PPP1R14C: variants seen among roughly 807,000 people sequenced by gnomAD.
The protein encoded by PPP1R14C is protein phosphatase 1 regulatory subunit 14C.
A neutral mutation model predicts 20.4 loss-of-function variants in PPP1R14C; 16 were observed. The observed-to-expected ratio is 0.78, with a 90% CI of 0.53 to 1.19. PPP1R14C has a LOEUF of 1.19. Ranked by LOEUF, PPP1R14C falls within the 50% of genes most tolerant of loss-of-function variation. The pLI, the probability that PPP1R14C is intolerant of heterozygous loss-of-function variation, is 0.00. For synonymous variants in PPP1R14C, 91 were observed against 91.0 expected (o/e 1.00, Z 0.00); for missense variants, 211 against 220.1 (o/e 0.96, Z 0.26).
At chr6:150,209,915 TTGTGTATGTGTG>T (rs1778001596) in intron 1 of PPP1R14C, among the ~76,000 whole-genome samples, 1 of 149,930 alleles carries the variant, frequency 6.7e-6, no homozygotes, top group South Asian at 2.1e-4. Context: ...GTGTATATGT[TTGTGTATGTGTG>T]TGTGCATGTG....
At chr6:150,152,938 C>T (rs879748730) in intron 1 of PPP1R14C, among the ~76,000 whole-genome samples, 6 of 152,128 alleles carry the variant, frequency 3.9e-5, no homozygotes, top group African/African-American at 1.2e-4. Context: ...TAGGTGAGGT[C>T]GTGAGGGTGG....
At chr6:150,243,226 A>C (rs1171488383) in intron 3 of PPP1R14C, among the ~76,000 whole-genome samples, 2 of 143,058 alleles carry the variant, frequency 1.4e-5, no homozygotes, top group Non-Finnish European at 3.0e-5. Flanking sequence ...CCCAGGCCGG[A>C]GTGCAATGGC....
chr6:150,170,547 C>G (rs987309197), intron 1 of PPP1R14C, among the ~76,000 whole-genome samples: 1 of 152,124 alleles, frequency 6.6e-6, no homozygotes, highest in African/African-American at 2.4e-5. Flanking sequence ...TGGTCTTGAT[C>G]TCCTGACCTC....
chr6:150,183,351 T>C (rs1777643350), intron 1 of PPP1R14C, among the ~76,000 whole-genome samples: 1 of 152,206 alleles, frequency 6.6e-6, no homozygotes, highest in African/African-American at 2.4e-5. Flanking sequence ...TTGCTCCACC[T>C]GTACAAAAAG....
chr6:150,223,376 T>TTAC (rs1259046118), intron 3 of PPP1R14C, among the ~76,000 whole-genome samples: 1 of 152,214 alleles, frequency 6.6e-6, no homozygotes, highest in Non-Finnish European at 1.5e-5. Flanking sequence ...AGGAGTAGGA[T>TTAC]TACTGTATTG....
intron 1 of PPP1R14C, among the ~76,000 whole-genome samples, chr6:150,167,696 A>C (rs559126038): frequency 2.1e-4 from 32 of 152,218 alleles, no homozygotes; most frequent in South Asian, 4.2e-4. Context: ...ATACTGTATA[A>C]GGCAGAGAGC....
chr6:150,243,980 G>A (rs1028106035), intron 3 of PPP1R14C, among the ~76,000 whole-genome samples: 42 of 152,304 alleles, frequency 2.8e-4, no homozygotes, highest in African/African-American at 8.7e-4. Flanking sequence ...AATCTGGAGT[G>A]ACAGAAAACA....
At chr6:150,151,917 G>A (rs536522906) in intron 1 of PPP1R14C, among the ~76,000 whole-genome samples, 227 of 152,030 alleles carry the variant, frequency 1.5e-3, no homozygotes, top group African/African-American at 5.1e-3. Context: ...TCAGGAGATC[G>A]AGACCATCCC....
Position 150,214,747 on chromosome 6 carries a change from G to A in PPP1R14C, c.310G>A (p.Glu104Lys). The A allele has an allele frequency of 6.2e-7, 1 of 1,612,902 alleles. No individual in the cohort carries two copies. Among genetic ancestry groups the A allele is most frequent in the Non-Finnish European group, 8.5e-7 (1 of 1,179,324 alleles). The change falls in exon 2 of 4, where the codon GAA becomes AAA. Residue 104 changes from glutamate to lysine, a missense_variant. Physicochemically the swap from Glu to Lys is moderately conservative, Grantham distance 56. Transcript: ENST00000361131. ...QLGQLYGCEE[E>K]EMPEVEIDID... ...ATATCCTCCCACTGCCCCCCAGGAA[G>A]AAGAAATGCCAGAGGTAGAAATTGA... is the stretch of plus-strand genomic sequence containing the variant.
chr6:150,169,848 G>GAATTAATTGATGTGGCA (rs1163035206), intron 1 of PPP1R14C, among the ~76,000 whole-genome samples: 1 of 152,194 alleles, frequency 6.6e-6, no homozygotes, highest in African/African-American at 2.4e-5. Flanking sequence ...GCCTCATGGG[G>GAATTAATTGATGTGGCA]AATTAATTGA....
At chr6:150,187,137 A>G (rs890574404) in intron 1 of PPP1R14C, among the ~76,000 whole-genome samples, 9 of 151,888 alleles carry the variant, frequency 5.9e-5, no homozygotes, top group Non-Finnish European at 1.3e-4. Flanking sequence ...CACCATGCCC[A>G]GCAAATTTTT....
intron 1 of PPP1R14C, among the ~76,000 whole-genome samples, chr6:150,156,909 T>G (rs546288252): frequency 1.2e-4 from 19 of 152,346 alleles, no homozygotes; most frequent in African/African-American, 4.6e-4. Context: ...AAAACTTGTC[T>G]GTACTTAGGT....
rs373681080 is a variant in PPP1R14C at position 150,219,408 on chromosome 6, G to A, written c.423+2552G>A. On this transcript the variant is annotated intron_variant, in intron 3 of 3. Coordinates refer to ENST00000361131, the MANE Select transcript of PPP1R14C (RefSeq NM_030949.3). Reference sequence around the variant, plus strand: ...TTTTTGTATTTTTAGTAGAGATGGGGTTTTGCCATGTTGGCCAGGCTGGTC... The same window carrying A: ...TTTTTGTATTTTTAGTAGAGATGGGATTTTGCCATGTTGGCCAGGCTGGTC... Among the ~76,000 whole-genome samples the A allele has an allele frequency of 4.4e-4, 67 of 152,120 alleles. No homozygotes were observed. In the East Asian group the frequency reaches 0.011, roughly 26 times the overall value.
intron 1 of PPP1R14C, among the ~76,000 whole-genome samples, chr6:150,167,137 C>T (rs908340176): frequency 1.8e-4 from 28 of 152,164 alleles, no homozygotes; most frequent in Non-Finnish European, 2.2e-4. Context: ...GAGGCCGAGG[C>T]GGGCGGATCA....
chr6:150,186,361 C>T (rs912237431), intron 1 of PPP1R14C, among the ~76,000 whole-genome samples: 3 of 152,080 alleles, frequency 2.0e-5, no homozygotes, highest in Non-Finnish European at 4.4e-5. Context: ...AGAGCTGGGC[C>T]TCAGAGGGGA....
At chr6:150,178,644 G>T (rs1777588741) in intron 1 of PPP1R14C, among the ~76,000 whole-genome samples, 1 of 152,184 alleles carries the variant, frequency 6.6e-6, no homozygotes, top group African/African-American at 2.4e-5. Flanking sequence ...AATCATTAAA[G>T]ATAAAACTAC....
At chr6:150,178,421 G>T (rs989513627) in intron 1 of PPP1R14C, among the ~76,000 whole-genome samples, 1 of 152,220 alleles carries the variant, frequency 6.6e-6, no homozygotes, top group Non-Finnish European at 1.5e-5. Context: ...AGGGGATGGT[G>T]GGTGTGATTG....
chr6:150,201,948 T>G lies in PPP1R14C; in HGVS notation c.307-12796T>G, dbSNP rs2114898222. Reference sequence around the variant, plus strand: ...TAAACATGCATTACAGGTAAACGATTATGGTAATAATTTACAAAGAAGCAT... The same window carrying G: ...TAAACATGCATTACAGGTAAACGATGATGGTAATAATTTACAAAGAAGCAT... On this transcript the variant is annotated intron_variant, in intron 1 of 3. Coordinates refer to ENST00000361131, the MANE Select transcript of PPP1R14C (RefSeq NM_030949.3). This position sits in a 1 kb window ranked among gnomAD's most constrained non-coding sequence, Gnocchi z 4.2. Among the ~76,000 whole-genome samples the G allele has an allele frequency of 6.6e-6, 1 of 152,222 alleles. No individual in the cohort carries two copies. The highest frequency in any genetic ancestry group is 2.4e-5 in the African/African-American group (1 of 41,522).
intron 1 of PPP1R14C, among the ~76,000 whole-genome samples, chr6:150,194,212 C>G (rs1014484509): frequency 6.6e-6 from 1 of 152,170 alleles, no homozygotes; most frequent in Non-Finnish European, 1.5e-5. Context: ...ATGTCTTTAC[C>G]AGCAGCGTGA....
Sources: allele counts gnomAD v4.1 joint callset (sites outside exome capture counted in the v4.1 genomes callset), GRCh38; gene constraint gnomAD v4.1.1; non-coding constraint Gnocchi (gnomAD v3.1); transcripts MANE v1.5; gene names NCBI Gene and HGNC (gene_info 2026-07-23, HGNC 2026-07-21).